TLL2: variants seen among roughly 807,000 people sequenced by gnomAD.
The protein encoded by TLL2 is tolloid like 2.
TLL2 carries 106 observed loss-of-function variants against 123.0 expected under a neutral mutation model. The ratio of observed to expected loss-of-function variants is 0.86; its 90% CI spans 0.74 to 1.01. The LOEUF (loss-of-function observed/expected upper bound fraction) is 1.01. TLL2 is among the 50% of genes least tolerant of loss of function. The probability of loss-of-function intolerance (pLI) is 0.00; values close to 1 mark genes in which losing one functional copy is unlikely to be tolerated. For missense variants in TLL2, 1,332 were observed against 1,336.7 expected, an observed-to-expected ratio of 1.00 and a Z score of 0.06; for synonymous variants, 494 against 516.8, an observed-to-expected ratio of 0.96 and a Z score of 0.60.
intron 3 of TLL2, among the ~76,000 whole-genome samples, chr10:96,442,423 C>A (rs890393560): frequency 6.6e-5 from 10 of 152,180 alleles, no homozygotes; most frequent in Non-Finnish European, 1.2e-4. Context: ...CCAGCGCTGG[C>A]GCCGACAGCA....
intron 10 of TLL2, among the ~76,000 whole-genome samples, chr10:96,402,910 C>T (rs116255654): frequency 0.033 from 4,969 of 152,272 alleles, 102 homozygotes; most frequent in Non-Finnish European, 0.044. Context: ...TTAGCCCTCT[C>T]CCTTCTTTCC....
intron 1 of TLL2, among the ~76,000 whole-genome samples, chr10:96,490,681 C>T (rs374594145): frequency 3.9e-4 from 59 of 152,222 alleles, no homozygotes; most frequent in African/African-American, 1.1e-3. Flanking sequence ...TCTATGGATT[C>T]GACACACAAA....
intron 3 of TLL2, among the ~76,000 whole-genome samples, chr10:96,435,349 T>A (rs1342893550): frequency 6.6e-6 from 1 of 152,218 alleles, no homozygotes; most frequent in Non-Finnish European, 1.5e-5. Context: ...TTAGTCTTTA[T>A]ATATTCTAAA....
chr10:96,466,372 A>T (rs1564912803), intron 2 of TLL2, among the ~76,000 whole-genome samples: 1 of 152,210 alleles, frequency 6.6e-6, no homozygotes. Flanking sequence ...CTCCTTGGAA[A>T]CCACAGAAAT....
At chr10:96,459,212 C>G (rs1415825985) in intron 2 of TLL2, among the ~76,000 whole-genome samples, 1 of 152,026 alleles carries the variant, frequency 6.6e-6, no homozygotes, top group Non-Finnish European at 1.5e-5. Flanking sequence ...TGCTGGAATC[C>G]TCTCATGTTT....
intron 1 of TLL2, among the ~76,000 whole-genome samples, chr10:96,491,107 G>A (rs1345281129): frequency 3.3e-5 from 5 of 152,166 alleles, no homozygotes; most frequent in Admixed American, 6.5e-5. Context: ...CCGGCTGGGC[G>A]CGGTGGCTTT....
rs749225410 is a variant in TLL2 at position 96,369,890 on chromosome 10, ACCT to A, written c.2913+172_2913+174del. Among the ~76,000 whole-genome samples the A allele has an allele frequency of 1.1e-4, 17 of 152,052 alleles. No individual in the cohort carries two copies. The South Asian group carries it at 1.5e-3, about 13-fold the overall frequency. ...AGGACTGGTCCCTGGCTGCCTCCCA[ACCT>A]CCTCTCCTGACGGTTCTCCTGCTTC... On this transcript the variant is annotated intron_variant, in intron 20 of 20. Transcript: ENST00000357947.
intron 2 of TLL2, among the ~76,000 whole-genome samples, chr10:96,478,144 G>A (rs890160900): frequency 2.6e-5 from 4 of 152,226 alleles, no homozygotes; most frequent in South Asian, 4.1e-4. Context: ...TCTAGCAGCC[G>A]GGTATGCAGC....
chr10:96,370,634 C>T (rs1457180621), intron 19 of TLL2, among the ~76,000 whole-genome samples: 1 of 152,206 alleles, frequency 6.6e-6, no homozygotes, highest in Non-Finnish European at 1.5e-5. Flanking sequence ...CGGTTCGCCT[C>T]ACTGGTCGCT....
At chr10:96,506,271 A>AAAAAAAAAAAAAG (rs1564921537) in intron 1 of TLL2, among the ~76,000 whole-genome samples, 1 of 150,126 alleles carries the variant, frequency 6.7e-6, no homozygotes, top group Non-Finnish European at 1.5e-5. Context: ...AAAAAGAAAA[A>AAAAAAAAAAAAAG]AAAAAAAGAA....
chr10:96,395,922 T>C lies in TLL2; in HGVS notation c.1483A>G (p.Thr495Ala), dbSNP rs766432477. 5 of 1,614,192 alleles carry C rather than the reference T, an allele frequency of 3.1e-6. No individual in the cohort carries two copies. The South Asian group carries it at 5.5e-5, about 18-fold the overall frequency. The change falls in exon 12 of 21, where the codon ACG becomes GCG. Residue 495 changes from threonine (T) to alanine (A), a missense_variant. By Grantham distance (58) the Thr-to-Ala change is moderately conservative (BLOSUM62 0). Transcript: ENST00000357947. ...RPSKECVWRI[T>A]VSEGFHVGLT... is the part of the protein sequence containing the mutation. ...CCCACGTGAAACCCCTCTGAAACCG[T>C]AATCCTCCAGACACATTCCTTGGAA...
intron 9 of TLL2, among the ~76,000 whole-genome samples, chr10:96,408,012 T>C (rs957506675): frequency 6.6e-6 from 1 of 152,156 alleles, no homozygotes; most frequent in Non-Finnish European, 1.5e-5. Flanking sequence ...CACCCTTCCT[T>C]CCATTAAATC....
chr10:96,433,563 C>T (rs557818579), intron 3 of TLL2, among the ~76,000 whole-genome samples: 4 of 152,156 alleles, frequency 2.6e-5, no homozygotes, highest in African/African-American at 9.6e-5. Flanking sequence ...CCCACAATGG[C>T]AGAGGTAGGT....
intron 2 of TLL2, among the ~76,000 whole-genome samples, chr10:96,462,934 A>G (rs1847094216): frequency 6.6e-6 from 1 of 152,248 alleles, no homozygotes; most frequent in Non-Finnish European, 1.5e-5. Flanking sequence ...ACTTGTTTAC[A>G]GTATGTGAGT....
At chr10:96,484,085 C>T (rs1389871566) in intron 1 of TLL2, among the ~76,000 whole-genome samples, 7 of 152,286 alleles carry the variant, frequency 4.6e-5, no homozygotes, top group Admixed American at 4.6e-4. Context: ...CTCAAGTCAT[C>T]CTCCTGCCTC....
chr10:96,367,073 C>A lies in TLL2; in HGVS notation c.*1015G>T, dbSNP rs1846035939. ...AAGCTAGTCACTGATTGACTTGTTC[C>A]ACAAGGCGATGATTCTTACATAACT... On this transcript the variant is annotated 3_prime_UTR_variant, in exon 21 of 21. Transcript: ENST00000357947. 1 of 152,274 alleles carries A rather than the reference C, an allele frequency of 6.6e-6. No individual in the cohort carries two copies. Among genetic ancestry groups the A allele is most frequent in the Non-Finnish European group, 1.5e-5 (1 of 68,042 alleles). The allele number at this position is 152,274 out of a possible 1,614,324, so 9.4% of individuals were successfully genotyped here. A position where few individuals can be genotyped will look rare whatever the true frequency, so the allele number is the denominator to read the frequency against.
chr10:96,488,581 C>T (rs757562867), intron 1 of TLL2, among the ~76,000 whole-genome samples: 6 of 152,174 alleles, frequency 3.9e-5, no homozygotes, highest in Non-Finnish European at 7.4e-5. Flanking sequence ...GGGACACAGC[C>T]CATAGCATGA....
chr10:96,386,570 G>A (rs531906479), intron 14 of TLL2, among the ~76,000 whole-genome samples: 38 of 152,352 alleles, frequency 2.5e-4, no homozygotes, highest in African/African-American at 8.7e-4. Flanking sequence ...ATTCATGCAC[G>A]TGGACAAGGA....
At chr10:96,470,567 T>C (rs1847169598) in intron 2 of TLL2, among the ~76,000 whole-genome samples, 1 of 152,186 alleles carries the variant, frequency 6.6e-6, no homozygotes, top group African/African-American at 2.4e-5. Context: ...AGCACCTCTC[T>C]AGGGGAGTGA....
Sources: allele counts gnomAD v4.1 joint callset (sites outside exome capture counted in the v4.1 genomes callset), GRCh38; gene constraint gnomAD v4.1.1; transcripts MANE v1.5; gene names NCBI Gene and HGNC (gene_info 2026-07-23, HGNC 2026-07-21).